Variants in MED12L observed in about 807,000 individuals in gnomAD.
MED12L encodes the protein mediator complex subunit 12L, also known as mediator of RNA polymerase II transcription subunit 12-like protein.
Under a neutral mutation model 281.3 loss-of-function variants are expected in MED12L, and 60 were observed. The observed-to-expected ratio is 0.21, with a 90% CI of 0.17 to 0.26. The LOEUF (loss-of-function observed/expected upper bound fraction) is 0.26. Ranked by LOEUF, MED12L falls within the 10% of genes least tolerant of loss-of-function variation. The pLI is 1.00. For missense variants in MED12L, 2,146 were observed against 2,680.9 expected (o/e 0.80, Z 4.41); for synonymous variants, 974 against 987.2 (o/e 0.99, Z 0.25).
At chr3:151,088,815 G>A (rs1719629414) in intron 2 of MED12L, among the ~76,000 whole-genome samples, 1 of 152,192 alleles carries the variant, frequency 6.6e-6, no homozygotes, top group African/African-American at 2.4e-5. Flanking sequence ...CAGAGGAGTT[G>A]TACCACCAAA....
At chr3:151,413,097 A>G (rs1189072771) in intron 41 of MED12L, 42 bp from the exon 42 acceptor site, 2 of 1,584,520 alleles carry the variant, frequency 1.3e-6, no homozygotes, top group East Asian at 2.3e-5. Context: ...AAAGTTTGAC[A>G]TTATGCTTGG....
At position 151,269,397 on chromosome 3, in the gene MED12L, T is replaced by TCA. The variant is rs71801434; in HGVS notation, c.2250+75774_2250+75775dup. 1,096 of 144,822 alleles carry TCA rather than the reference T, an allele frequency of 7.6e-3. 9 individuals are homozygous for TCA. The highest frequency in any genetic ancestry group is 0.017 in the African/African-American group (594 of 34,148). The allele number at this position is 144,822 out of a possible 1,614,324, so 9.0% of individuals were successfully genotyped here. A position where few individuals can be genotyped will look rare whatever the true frequency, so the allele number is the denominator to read the frequency against. ...CCTGGGCAACAAGAGTGAAACTCCA[T>TCA]CACACACACACACACACACACACAC... On this transcript the variant is annotated intron_variant, in intron 16 of 44. Transcript: ENST00000687756.
intron 39 of MED12L, among the ~76,000 whole-genome samples, chr3:151,407,869 T>C (rs949204748): frequency 3.0e-4 from 45 of 152,190 alleles, no homozygotes; most frequent in African/African-American, 1.1e-3. Flanking sequence ...CACGTGATTT[T>C]TTTTGTGGGG....
intron 16 of MED12L, chr3:151,203,180 A>G (rs1027509044): frequency 6.6e-6 from 1 of 152,204 alleles, no homozygotes; most frequent in Non-Finnish European, 1.5e-5. Context: ...GGTTAGCCGC[A>G]GCAGTAGCAA....
At chr3:151,279,031 G>A (rs1012465202) in intron 16 of MED12L, among the ~76,000 whole-genome samples, 11 of 152,066 alleles carry the variant, frequency 7.2e-5, no homozygotes, top group Non-Finnish European at 1.5e-4. Flanking sequence ...TTCCTTTCAG[G>A]CTCTGTAATA....
chr3:151,210,081 G>A (rs1347525503), intron 16 of MED12L, among the ~76,000 whole-genome samples: 1 of 152,114 alleles, frequency 6.6e-6, no homozygotes. Context: ...CTTTCCTATG[G>A]TAGCCAGATG....
At position 151,112,076 on chromosome 3, in the gene MED12L, A is replaced by G. The variant is rs577301892; in HGVS notation, c.100-4262A>G. 7.9e-5 allele frequency among the ~76,000 whole-genome samples: 12 copies of G among 152,294 alleles called. 1 individual carries two copies. In the South Asian group the frequency reaches 2.3e-3, roughly 29 times the overall value. On this transcript the variant is annotated intron_variant, in intron 2 of 44. Transcript: ENST00000687756. Reference sequence around the variant, plus strand: ...AATACACACTGAGTTTCTGAGGAATATAACTGTTGCGTCTTACTATGTTGG... The same window carrying G: ...AATACACACTGAGTTTCTGAGGAATGTAACTGTTGCGTCTTACTATGTTGG...
intron 29 of MED12L, 33 bp from the exon 30 acceptor site, chr3:151,376,958 C>T: frequency 1.2e-6 from 2 of 1,609,328 alleles, no homozygotes; most frequent in South Asian, 1.1e-5. Flanking sequence ...AAGGAATACA[C>T]ATATGTGCCA....
rs1272327925 is a variant in MED12L at position 151,368,254 on chromosome 3, G to A, written c.3550+3G>A. 1 of 1,612,174 alleles carries A rather than the reference G, an allele frequency of 6.2e-7. No individual in the cohort carries two copies. The highest frequency in any genetic ancestry group is 1.1e-5 in the South Asian group (1 of 91,020). On this transcript the variant is annotated splice_donor_region_variant and intron_variant, in intron 25 of 44. Coordinates refer to ENST00000687756, the MANE Select transcript of MED12L (RefSeq NM_001393769.1). ...CTGCTTCTTACCTCAAGCAACGGGT[G>A]AGCTGACTGCAGAAAAATCTGATTA...
At chr3:151,395,895 C>T (rs772868385) in intron 39 of MED12L, among the ~76,000 whole-genome samples, 10 of 152,290 alleles carry the variant, frequency 6.6e-5, no homozygotes, top group Non-Finnish European at 8.8e-5. Flanking sequence ...GTGTAATTTA[C>T]GGCACTTCCT....
intron 16 of MED12L, chr3:151,214,253 G>A: frequency 6.2e-7 from 1 of 1,613,948 alleles, no homozygotes. Context: ...ATGATCTGCT[G>A]AGTGATCAGG....
At chr3:151,248,841 A>G (rs928628312) in intron 16 of MED12L, 13 of 152,170 alleles carry the variant, frequency 8.5e-5, no homozygotes, top group African/African-American at 2.9e-4. Context: ...TGTACTCTGC[A>G]TTAGATGGAA....
At chr3:151,170,175 T>G (rs1437404861) in intron 11 of MED12L, among the ~76,000 whole-genome samples, 1 of 151,760 alleles carries the variant, frequency 6.6e-6, no homozygotes, top group Admixed American at 6.6e-5. Context: ...GTCATGAGAG[T>G]GGGAGTAGGA....
At chr3:151,185,722 TC>T (rs2149074970) in intron 12 of MED12L, among the ~76,000 whole-genome samples, 1 of 152,250 alleles carries the variant, frequency 6.6e-6, no homozygotes, top group African/African-American at 2.4e-5. Context: ...CCTGTTATAA[TC>T]CTAGTTTTTT....
intron 11 of MED12L, among the ~76,000 whole-genome samples, chr3:151,169,957 T>A (rs1342459412): frequency 6.6e-6 from 1 of 152,176 alleles, no homozygotes; most frequent in Non-Finnish European, 1.5e-5. Context: ...AATTTCACCC[T>A]CCTTGATTCC....
intron 16 of MED12L, among the ~76,000 whole-genome samples, chr3:151,312,796 C>T (rs1024327116): frequency 5.9e-5 from 9 of 152,142 alleles, no homozygotes; most frequent in Admixed American, 3.9e-4. Flanking sequence ...ACAGGTTTGC[C>T]ACTTACTTGG....
In MED12L at chr3:151,376,072, C is replaced by G. The variant is rs766873650; in HGVS notation, c.3911C>G (p.Thr1304Arg). ...HCLKEPERLC[T>R]DKELILDPVL... The stretch of plus-strand genomic sequence containing the variant: ...TTAAAAGAACCTGAAAGATTATGTA[C>G]AGACAAAGAACTTATATTGGACCCT... Residue 1304 changes from threonine (T) to arginine (R), a missense_variant, in exon 28 of 45, where the codon ACA (threonine) becomes AGA (arginine). This residue lies in a region of MED12L where 235 missense variants were observed against 260.3 expected (regional missense o/e 0.90). Coordinates refer to ENST00000687756, the MANE Select transcript of MED12L (RefSeq NM_001393769.1). 3 of 1,605,502 alleles carry G rather than the reference C, an allele frequency of 1.9e-6. No homozygotes were observed. The highest frequency in any genetic ancestry group is 2.5e-6 in the Non-Finnish European group (3 of 1,176,984).
intron 16 of MED12L, among the ~76,000 whole-genome samples, chr3:151,218,062 G>A (rs1221433901): frequency 6.6e-6 from 1 of 152,174 alleles, no homozygotes; most frequent in Non-Finnish European, 1.5e-5. Flanking sequence ...CTTATCTTTA[G>A]TACAGATTGA....
Position 151,306,673 on chromosome 3 carries a change from C to T in MED12L, c.2251-43386C>T, listed in dbSNP as rs373799394. On this transcript the variant is annotated intron_variant, in intron 16 of 44. Coordinates refer to ENST00000687756, the MANE Select transcript of MED12L (RefSeq NM_001393769.1). Reference sequence around the variant, plus strand: ...TGGGTGGGGAGTCATTTGTACCACGCCGGGGGAAACTCTGTCAGCAGGAAG... The same window carrying T: ...TGGGTGGGGAGTCATTTGTACCACGTCGGGGGAAACTCTGTCAGCAGGAAG... Among the ~76,000 whole-genome samples, 655 of 152,306 alleles carry T rather than the reference C, an allele frequency of 4.3e-3. 41 individuals carry two copies. In the South Asian group the frequency reaches 0.13, roughly 31 times the overall value.
Sources: gnomAD v4.1 joint callset for allele counts (sites outside exome capture counted in the v4.1 genomes callset) on GRCh38, gnomAD v4.1.1 for gene constraint, gnomAD v4.1.1 regional missense constraint, MANE v1.5 for transcripts, NCBI Gene and HGNC (gene_info 2026-07-23, HGNC 2026-07-21) for gene names.